PLEKHA7: variants seen among roughly 807,000 people sequenced by gnomAD.
PLEKHA7 encodes the protein pleckstrin homology domain-containing family A member 7.
In PLEKHA7, 104 loss-of-function variants were observed where a neutral mutation model predicts 170.0. The observed-to-expected ratio is 0.61, with a 90% CI of 0.52 to 0.72. The LOEUF (loss-of-function observed/expected upper bound fraction) is 0.72, where lower values mean the gene tolerates loss of function less well. PLEKHA7 is among the 30% of genes least tolerant of loss of function. The pLI, the probability that PLEKHA7 is intolerant of heterozygous loss-of-function variation, is 0.00. For missense variants in PLEKHA7, 1,615 were observed against 1,671.7 expected (o/e 0.97, Z 0.59); for synonymous variants, 648 against 660.8 (o/e 0.98, Z 0.30).
intron 8 of PLEKHA7, chr11:16,842,648 A>G (rs1852065083): frequency 6.6e-6 from 1 of 152,126 alleles, no homozygotes; most frequent in South Asian, 2.1e-4. Flanking sequence ...GACCACTGAA[A>G]AATGACTGGG....
chr11:16,990,288 A>C (rs946522903), intron 3 of PLEKHA7, among the ~76,000 whole-genome samples: 1 of 58,954 alleles, frequency 1.7e-5, no homozygotes, highest in Non-Finnish European at 3.2e-5. Context: ...AAAAAAAAAA[A>C]AAAAAAAAAA....
chr11:16,795,143 T>A, intron 17 of PLEKHA7, 125 bp from the exon 18 acceptor site: 1 of 701,904 alleles, frequency 1.4e-6, no homozygotes, highest in Non-Finnish European at 2.5e-6. Flanking sequence ...GAAACCCCAC[T>A]AGTGCTAGAA....
intron 3 of PLEKHA7, among the ~76,000 whole-genome samples, chr11:16,934,106 G>T (rs1366558404): frequency 6.6e-6 from 1 of 152,136 alleles, no homozygotes; most frequent in Non-Finnish European, 1.5e-5. Flanking sequence ...ATAAGTTATC[G>T]TGCCTCCTGC....
At chr11:16,889,420 A>AATATATATATAT (rs1554964151) in intron 3 of PLEKHA7, among the ~76,000 whole-genome samples, 7 of 74,664 alleles carry the variant, frequency 9.4e-5, no homozygotes, top group African/African-American at 4.4e-4. Flanking sequence ...AAAAAAAAAA[A>AATATATATATAT]ATATATATAT....
At chr11:17,007,574 C>CTTT (rs57078018) in intron 3 of PLEKHA7, among the ~76,000 whole-genome samples, 1 of 116,194 alleles carries the variant, frequency 8.6e-6, no homozygotes, top group African/African-American at 3.2e-5. Context: ...TCTAAAGATG[C>CTTT]TTTTTTTTTT....
intron 3 of PLEKHA7, among the ~76,000 whole-genome samples, chr11:16,996,676 C>T (rs967699817): frequency 2.6e-5 from 4 of 152,124 alleles, no homozygotes; most frequent in Non-Finnish European, 5.9e-5. Context: ...GTGGCTCATG[C>T]CTGTAATCCC....
rs1035520163 is a variant in PLEKHA7, at chr11:16,778,507, C to CA, written c.*490dup. On this transcript the variant is annotated 3_prime_UTR_variant, in exon 27 of 27. Coordinates refer to ENST00000531066, the MANE Select transcript of PLEKHA7 (RefSeq NM_001329630.2). Reference sequence around the variant, plus strand: ...CTGCAGCCAAGGGCCCCTCTTCTCCCAGACAGCACGCCAACCAGCCTCTTG... The same window carrying CA: ...CTGCAGCCAAGGGCCCCTCTTCTCCCAAGACAGCACGCCAACCAGCCTCTTG... 1 of 183,446 alleles carries CA rather than the reference C, an allele frequency of 5.5e-6. No homozygotes were observed. The highest frequency in any genetic ancestry group is 2.4e-5 in the African/African-American group (1 of 42,312). 11.4% of individuals were successfully genotyped at this position (183,446 alleles called of 1,614,324 possible). A position where few individuals can be genotyped will look rare whatever the true frequency, so the allele number is the denominator to read the frequency against.
rs1487266207 is a variant in PLEKHA7 at position 16,782,611 on chromosome 11, G to A, written c.3793+143C>T. The A allele has an allele frequency of 5.7e-6, 6 of 1,052,108 alleles. No individual in the cohort carries two copies. In the African/African-American group the frequency reaches 9.5e-5, roughly 17 times the overall value. The allele number at this position is 1,052,108 out of a possible 1,614,324, so 65.2% of individuals were successfully genotyped here. On this transcript the variant is annotated intron_variant, in intron 26 of 26. Coordinates refer to ENST00000531066, the MANE Select transcript of PLEKHA7 (RefSeq NM_001329630.2). ...GTGCTCATGGGACAGGATGCCGAGT[G>A]GTCAGGGGAACACACCACTGACCCT...
intron 3 of PLEKHA7, among the ~76,000 whole-genome samples, chr11:16,905,179 G>C (rs1857575456): frequency 6.6e-6 from 1 of 152,162 alleles, no homozygotes; most frequent in Non-Finnish European, 1.5e-5. Context: ...TGGAGCCTGG[G>C]AAATCGAGGG....
chr11:17,004,901 T>G (rs1565199788), intron 3 of PLEKHA7, among the ~76,000 whole-genome samples: 1 of 152,214 alleles, frequency 6.6e-6, no homozygotes, highest in Non-Finnish European at 1.5e-5. Context: ...ACAACCATAT[T>G]CCTCCGTGTT....
At chr11:16,961,164 C>T (rs893042836) in intron 3 of PLEKHA7, among the ~76,000 whole-genome samples, 2 of 152,248 alleles carry the variant, frequency 1.3e-5, no homozygotes, top group Non-Finnish European at 2.9e-5. Context: ...TCGGGTCATT[C>T]AGCGAAGTTT....
chr11:16,811,532 A>G (rs1283048226), intron 13 of PLEKHA7, among the ~76,000 whole-genome samples: 1 of 152,128 alleles, frequency 6.6e-6, no homozygotes, highest in Non-Finnish European at 1.5e-5. Flanking sequence ...CATGGTGGGA[A>G]CAACCCTGTC....
intron 3 of PLEKHA7, among the ~76,000 whole-genome samples, chr11:16,947,745 G>A (rs988577384): frequency 3.3e-5 from 5 of 151,356 alleles, no homozygotes; most frequent in Non-Finnish European, 5.9e-5. Flanking sequence ...GTGAAACCCC[G>A]TCTCTACTAA....
chr11:16,996,311 A>G (rs953693180), intron 3 of PLEKHA7, among the ~76,000 whole-genome samples: 8 of 152,218 alleles, frequency 5.3e-5, no homozygotes, highest in East Asian at 1.9e-4. Flanking sequence ...GTCAGGAGTG[A>G]GAACAGCTGA....
At chr11:16,819,703 C>A (rs147907684) in intron 10 of PLEKHA7, among the ~76,000 whole-genome samples, 15 of 152,286 alleles carry the variant, frequency 9.8e-5, no homozygotes, top group Admixed American at 9.8e-4. Flanking sequence ...CATGGAAAGA[C>A]AAATACCGTG....
intron 3 of PLEKHA7, among the ~76,000 whole-genome samples, chr11:16,985,496 A>C (rs893523157): frequency 2.0e-5 from 3 of 151,854 alleles, no homozygotes; most frequent in Non-Finnish European, 4.4e-5. Context: ...GTGAGCAGCA[A>C]ATGCAGTGCC....
chr11:16,854,742 G>T, intron 6 of PLEKHA7, 147 bp downstream of exon 6: 1 of 655,604 alleles, frequency 1.5e-6, no homozygotes, highest in Non-Finnish European at 2.6e-6. Flanking sequence ...GGCAAATAAT[G>T]CAGTGCAGCA....
At chr11:16,938,668 T>G (rs955379347) in intron 3 of PLEKHA7, among the ~76,000 whole-genome samples, 1 of 152,196 alleles carries the variant, frequency 6.6e-6, no homozygotes, top group African/African-American at 2.4e-5. Context: ...GTGATTAACA[T>G]TCACATGTTG....
At chr11:16,968,255 C>T (rs965462876) in intron 3 of PLEKHA7, among the ~76,000 whole-genome samples, 2 of 152,198 alleles carry the variant, frequency 1.3e-5, no homozygotes, top group African/African-American at 2.4e-5. Flanking sequence ...CCTCTCCTCC[C>T]AAACAACCAC....
Sources: allele counts gnomAD v4.1 joint callset (sites outside exome capture counted in the v4.1 genomes callset), GRCh38; gene constraint gnomAD v4.1.1; transcripts MANE v1.5; gene names NCBI Gene and HGNC (gene_info 2026-07-23, HGNC 2026-07-21).